The following FBXL7 variants were observed in gnomAD, a reference collection of about 807,000 sequenced individuals.
FBXL7 encodes F-box and leucine rich repeat protein 7.
A neutral mutation model predicts 38.3 loss-of-function variants in FBXL7; 12 were observed. The ratio of observed to expected loss-of-function variants is 0.31; its 90% CI spans 0.20 to 0.51. FBXL7 has a LOEUF of 0.51. Among genes scored for constraint, FBXL7 ranks in the 20% least tolerant of loss-of-function variants. The pLI is 0.98. For synonymous variants in FBXL7, 297 were observed against 300.9 expected (o/e 0.99, Z 0.13); for missense variants, 567 against 676.4 (o/e 0.84, Z 1.79).
chr5:15,763,319 A>G (rs1736497408), intron 2 of FBXL7, among the ~76,000 whole-genome samples: 1 of 152,216 alleles, frequency 6.6e-6, no homozygotes, highest in Admixed American at 6.5e-5. Context: ...GATCCTGCTT[A>G]TATGATGTGT....
chr5:15,653,691 A>G (rs184113915), intron 2 of FBXL7, among the ~76,000 whole-genome samples: 44 of 152,370 alleles, frequency 2.9e-4, no homozygotes, highest in Admixed American at 2.9e-3. Context: ...GCCATTGACC[A>G]GTTAAAAGAG....
Position 15,937,546 on chromosome 5 carries a change from GC to G in FBXL7, c.*370del, listed in dbSNP as rs34322593. ...ACAGGCCCCACCCCCACAGTTCCAC[GC>G]CCCCCCCCCAAGGCCACACCCTCCC... On this transcript the variant is annotated 3_prime_UTR_variant, in exon 4 of 4. Coordinates refer to ENST00000504595, the MANE Select transcript of FBXL7 (RefSeq NM_012304.5). 0.031 allele frequency: 2,021 copies of G among 65,516 alleles called. 16 individuals carry two copies. Among genetic ancestry groups the G allele is most frequent in the Non-Finnish European group, 0.038 (1,322 of 34,340 alleles). 4.1% of individuals were successfully genotyped at this position (65,516 alleles called of 1,614,324 possible). A position where few individuals can be genotyped will look rare whatever the true frequency, so the allele number is the denominator to read the frequency against.
chr5:15,866,471 G>T (rs970135586), intron 2 of FBXL7, among the ~76,000 whole-genome samples: 6 of 152,080 alleles, frequency 3.9e-5, no homozygotes, highest in African/African-American at 1.2e-4. Context: ...GTTTTCAAAT[G>T]ATACTTCTGA....
intron 2 of FBXL7, among the ~76,000 whole-genome samples, chr5:15,771,825 G>A (rs1291444899): frequency 2.7e-5 from 4 of 148,506 alleles, no homozygotes; most frequent in African/African-American, 1.0e-4. Context: ...GCTCAGGCTG[G>A]AGTGCGATCT....
intron 2 of FBXL7, among the ~76,000 whole-genome samples, chr5:15,664,886 T>C (rs924371371): frequency 1.3e-5 from 2 of 151,940 alleles, no homozygotes; most frequent in African/African-American, 4.8e-5. Context: ...TTTTTTTTTT[T>C]TGGTCTAATA....
intron 2 of FBXL7, among the ~76,000 whole-genome samples, chr5:15,828,122 C>T (rs7717634): frequency 3.3e-5 from 5 of 152,170 alleles, no homozygotes; most frequent in African/African-American, 1.2e-4. Context: ...TCCAGTTTCA[C>T]ATCATACCTG....
intron 2 of FBXL7, among the ~76,000 whole-genome samples, chr5:15,717,723 G>C (rs1360006014): frequency 6.6e-6 from 1 of 152,128 alleles, no homozygotes; most frequent in African/African-American, 2.4e-5. Flanking sequence ...CTGAATCTAA[G>C]TGTGAGAATC....
intron 2 of FBXL7, among the ~76,000 whole-genome samples, chr5:15,917,454 A>T (rs1741611825): frequency 6.6e-6 from 1 of 152,140 alleles, no homozygotes. Flanking sequence ...AGAAAATTTT[A>T]AAAATGAGCC....
chr5:15,790,167 C>G (rs967199843), intron 2 of FBXL7, among the ~76,000 whole-genome samples: 3 of 152,186 alleles, frequency 2.0e-5, no homozygotes, highest in Non-Finnish European at 2.9e-5. Context: ...TACAGTCAAT[C>G]TATCCTTGCA....
intron 2 of FBXL7, among the ~76,000 whole-genome samples, chr5:15,825,680 A>G (rs1227492034): frequency 1.3e-5 from 2 of 152,200 alleles, no homozygotes; most frequent in Non-Finnish European, 1.5e-5. Flanking sequence ...ATTCCTATAC[A>G]TTAGGATGGG....
Position 15,546,190 on chromosome 5 carries a change from G to C in FBXL7, c.37+45477G>C, listed in dbSNP as rs139241227. Among the ~76,000 whole-genome samples, 136 of 152,330 alleles carry C rather than the reference G, an allele frequency of 8.9e-4. 1 individual carries two copies. In the East Asian group the frequency reaches 0.024, roughly 27 times the overall value. On this transcript the variant is annotated intron_variant, in intron 1 of 3. Coordinates refer to ENST00000504595, the MANE Select transcript of FBXL7 (RefSeq NM_012304.5). ...CACGCCTGTAATCCCAGCACTTTGG[G>C]AGGCTGAGGCAGGCGGATTACCTGA... is the stretch of plus-strand genomic sequence containing the variant.
At chr5:15,886,330 G>A (rs1383685496) in intron 2 of FBXL7, among the ~76,000 whole-genome samples, 2 of 152,030 alleles carry the variant, frequency 1.3e-5, no homozygotes, top group Non-Finnish European at 2.9e-5. Flanking sequence ...TTTTTACAGT[G>A]AGAACACAGG....
At chr5:15,656,840 A>G (rs917108254) in intron 2 of FBXL7, among the ~76,000 whole-genome samples, 1 of 152,166 alleles carries the variant, frequency 6.6e-6, no homozygotes, top group Non-Finnish European at 1.5e-5. Flanking sequence ...CTCATTTTAT[A>G]TAAAATGATT....
intron 2 of FBXL7, among the ~76,000 whole-genome samples, chr5:15,640,045 A>G (rs1741308521): frequency 6.6e-6 from 1 of 152,178 alleles, no homozygotes; most frequent in Non-Finnish European, 1.5e-5. Context: ...TGTCTTAAGG[A>G]ACCTCTGTGC....
chr5:15,517,910 C>T (rs1355069148), intron 1 of FBXL7, among the ~76,000 whole-genome samples: 1 of 152,198 alleles, frequency 6.6e-6, no homozygotes, highest in Non-Finnish European at 1.5e-5. Context: ...TGGGGGAGCT[C>T]TTCTGCCCAT....
chr5:15,547,958 C>A (rs1279790554), intron 1 of FBXL7, among the ~76,000 whole-genome samples: 1 of 152,162 alleles, frequency 6.6e-6, no homozygotes, highest in Non-Finnish European at 1.5e-5. Context: ...GGCTGTCTAG[C>A]ACTGCAGAAA....
At chr5:15,514,439 C>T (rs1490558611) in intron 1 of FBXL7, among the ~76,000 whole-genome samples, 2 of 152,088 alleles carry the variant, frequency 1.3e-5, no homozygotes, top group South Asian at 2.1e-4. Context: ...CAAAATGGGA[C>T]ATTGACCAAG....
chr5:15,869,418 G>A (rs908237968), intron 2 of FBXL7, among the ~76,000 whole-genome samples: 2 of 152,072 alleles, frequency 1.3e-5, no homozygotes, highest in African/African-American at 4.8e-5. Flanking sequence ...CCGTACTTCC[G>A]GCCGACACAT....
chr5:15,902,898 G>C (rs539279700), intron 2 of FBXL7, among the ~76,000 whole-genome samples: 40 of 152,356 alleles, frequency 2.6e-4, no homozygotes, highest in African/African-American at 9.1e-4. Flanking sequence ...TGCAGGCTTC[G>C]AGCAGTAGGT....
Sources: allele counts gnomAD v4.1 joint callset (sites outside exome capture counted in the v4.1 genomes callset), GRCh38; gene constraint gnomAD v4.1.1; transcripts MANE v1.5; gene names NCBI Gene and HGNC (gene_info 2026-07-23, HGNC 2026-07-21).